TH: variants seen among roughly 807,000 people sequenced by gnomAD.
TH encodes the protein tyrosine 3-monooxygenase.
Under a neutral mutation model 57.4 loss-of-function variants are expected in TH, and 49 were observed. That is an observed-to-expected ratio of 0.85 (90% CI 0.68 to 1.08). TH has a LOEUF of 1.08. Among genes scored for constraint, TH ranks in the 50% least tolerant of loss-of-function variants. TH has a pLI of 0.00. For synonymous variants in TH, 330 were observed against 304.5 expected, an observed-to-expected ratio of 1.08 and a Z score of -0.87; for missense variants, 720 against 696.7, an observed-to-expected ratio of 1.03 and a Z score of -0.38.
Position 2,166,782 on chromosome 11 carries a change from C to A in TH, c.842-14G>T. On this transcript the variant is annotated splice_polypyrimidine_tract_variant and intron_variant, in intron 7 of 12. Transcript: ENST00000352909. The stretch of plus-strand genomic sequence containing the variant: ...AGCCCGTGCGCTCTGCAAGGGGCCA[C>A]GCGGGTCACTGCCGAGCCGGGACGG... 1 of 1,547,982 alleles carries A rather than the reference C, an allele frequency of 6.5e-7. No individual in the cohort carries two copies. The highest frequency in any genetic ancestry group is 8.7e-7 in the Non-Finnish European group (1 of 1,145,788).
Position 2,167,423 on chromosome 11 carries a change from C to A in TH, c.695+12G>T. On this transcript the variant is annotated intron_variant, in intron 6 of 12. Transcript: ENST00000352909. ...GGCTCCTCCCCAGCCCCTAGCTGCACGGAGGTCTCACCAGGTGGCAATCTC... is the reference window on the plus strand; with the variant it reads ...GGCTCCTCCCCAGCCCCTAGCTGCAAGGAGGTCTCACCAGGTGGCAATCTC... The A allele has an allele frequency of 1.9e-6, 3 of 1,558,966 alleles. No homozygotes were observed. The highest frequency in any genetic ancestry group is 2.6e-6 in the Non-Finnish European group (3 of 1,151,432).
At position 2,171,775 on chromosome 11, in the gene TH, G is replaced by A. The variant is rs147131010; in HGVS notation, c.12C>T (p.Pro4=). The stretch of plus-strand genomic sequence containing the variant: ...CCTTGGCCTGTGGCGTGGTGGCGTC[G>A]GGGGTGGGCATGGCTCAGTGTGGAG... The part of the protein sequence containing the change: MPT[P]DATTPQAKGF... The change falls in exon 1 of 13, where the codon CCC becomes CCT. Residue 4 remains proline (P), a synonymous_variant. Coordinates refer to ENST00000352909, the MANE Select transcript of TH (RefSeq NM_000360.4). The surrounding 1 kb of genome is among the most constrained non-coding windows in gnomAD (Gnocchi z 8.6). The A allele has an allele frequency of 2.3e-4, 369 of 1,611,860 alleles. No individual in the cohort carries two copies. In the Middle Eastern group the frequency reaches 4.6e-3, roughly 20 times the overall value.
intron 9 of TH, 183 bp from the exon 10 acceptor site, chr11:2,166,241 T>C: frequency 3.4e-6 from 3 of 883,024 alleles, no homozygotes; most frequent in Non-Finnish European, 3.5e-6. Context: ...CAGCCCTCCT[T>C]GACCACATTC....
At chr11:2,167,361 G>C (rs945302570) in intron 6 of TH, 74 bp downstream of exon 6, 5 of 1,492,216 alleles carry the variant, frequency 3.4e-6, no homozygotes, top group Non-Finnish European at 3.7e-6. Flanking sequence ...CCCTGGAGGC[G>C]GCCCTCACAC....
Position 2,171,690 on chromosome 11 carries a change from C to G in TH, c.90+7G>C. The G allele has an allele frequency of 6.2e-7, 1 of 1,611,660 alleles. No homozygotes were observed. Among genetic ancestry groups the G allele is most frequent in the East Asian group, 2.2e-5 (1 of 44,860 alleles). ...TGCGGCCGCCGGGCACCTACCTGCC[C>G]TCTTACCATGATGGCCTCTGCCTGC... On this transcript the variant is annotated splice_region_variant and intron_variant, in intron 1 of 12. Coordinates refer to ENST00000352909, the MANE Select transcript of TH (RefSeq NM_000360.4). The surrounding 1 kb of genome is among the most constrained non-coding windows in gnomAD (Gnocchi z 8.6).
rs1270221072 is a variant in TH, at chr11:2,166,108, C to G, written c.1048-50G>C. On this transcript the variant is annotated intron_variant, in intron 9 of 12. Transcript: ENST00000352909. ...TGGGGAGAGGCAGCCCTGGGTCATG[C>G]TCGAGGTGGGGGCACCGGGGGTGTC... 1.3e-5 allele frequency: 20 copies of G among 1,543,718 alleles called. No homozygotes were observed. In the South Asian group the frequency reaches 2.4e-4, roughly 18 times the overall value.
chr11:2,168,588 G>A lies in TH; in HGVS notation c.390C>T (p.Tyr130=). 1 of 1,611,952 alleles carries A rather than the reference G, an allele frequency of 6.2e-7. No individual in the cohort carries two copies. The highest frequency in any genetic ancestry group is 8.5e-7 in the Non-Finnish European group (1 of 1,179,734). ...RPRAGGPHLE[Y]FVRLEVRRGD... The stretch of plus-strand genomic sequence containing the variant: ...CTCGGCGCACCTCGAGGCGCACGAA[G>A]TACTCCAGGTGGGGGCCCCCAGCTC... Residue 130 remains tyrosine (Y), a synonymous_variant, in exon 3 of 13, where the codon TAC becomes TAT. Transcript: ENST00000352909.
Position 2,164,112 on chromosome 11 carries a change from G to T in TH, c.*121C>A. 1 of 902,336 alleles carries T rather than the reference G, an allele frequency of 1.1e-6. No individual in the cohort carries two copies. The highest frequency in any genetic ancestry group is 1.5e-6 in the Non-Finnish European group (1 of 665,506). The allele number at this position is 902,336 out of a possible 1,614,324, so 55.9% of individuals were successfully genotyped here. A position where few individuals can be genotyped will look rare whatever the true frequency, so the allele number is the denominator to read the frequency against. ...CTGAGAAGCAGGTGCAGGGGCAGTG[G>T]GAGCCTGGCAGCAGGGAGGGCATGG... On this transcript the variant is annotated 3_prime_UTR_variant, in exon 13 of 13. Coordinates refer to ENST00000352909, the MANE Select transcript of TH (RefSeq NM_000360.4).
intron 2 of TH, 80 bp downstream of exon 2, chr11:2,169,570 A>C: frequency 7.1e-7 from 1 of 1,404,988 alleles, no homozygotes; most frequent in Non-Finnish European, 1.0e-6. Context: ...CACCTCTGCT[A>C]TAGAGGGGTC....
chr11:2,167,834 G>A, intron 5 of TH, 32 bp downstream of exon 5: 1 of 1,577,540 alleles, frequency 6.3e-7, no homozygotes. Flanking sequence ...CTGCAGGACG[G>A]AGTCTGGGTC....
Position 2,165,680 on chromosome 11 carries a change from G to A in TH, c.1188C>T (p.Tyr396=), listed in dbSNP as rs375428556. ...GAGAGACTCTCACCAGGAGCTCCCCGTAGGAGGACAGCAGCCCGGCACCAT... is the reference window on the plus strand; with the variant it reads ...GAGAGACTCTCACCAGGAGCTCCCCATAGGAGGACAGCAGCCCGGCACCAT... The part of the protein sequence containing the change: ...KAYGAGLLSS[Y]GELLHCLSEE... Residue 396 remains tyrosine, a synonymous_variant, in exon 11 of 13, where the codon TAC becomes TAT. Coordinates refer to ENST00000352909, the MANE Select transcript of TH (RefSeq NM_000360.4). The A allele has an allele frequency of 5.1e-5, 82 of 1,612,584 alleles. No individual in the cohort carries two copies. In the South Asian group the frequency reaches 5.2e-4, roughly 10 times the overall value.
rs1399106612 is a variant in TH at position 2,166,472 on chromosome 11, C to T, written c.1047+8G>A. ...GTGACCCCGGCTCCCTCCGAGGCCG[C>T]GGCGTACCTGCGAGAACTGCGCGAA... On this transcript the variant is annotated splice_region_variant and intron_variant, in intron 9 of 12. Coordinates refer to ENST00000352909, the MANE Select transcript of TH (RefSeq NM_000360.4). 2.5e-6 allele frequency: 4 copies of T among 1,575,208 alleles called. No individual in the cohort carries two copies. Among genetic ancestry groups the T allele is most frequent in the Admixed American group, 1.8e-5 (1 of 56,172 alleles).
At position 2,171,085 on chromosome 11, in the gene TH, G is replaced by GTGAATGAATGAATGAATGAA. The variant is rs59181491; in HGVS notation, c.90+592_90+611dup. Among the ~76,000 whole-genome samples the GTGAATGAATGAATGAATGAA allele has an allele frequency of 7.1e-6, 1 of 140,788 alleles. No homozygotes were observed. Among genetic ancestry groups the GTGAATGAATGAATGAATGAA allele is most frequent in the African/African-American group, 2.5e-5 (1 of 39,474 alleles). 92.4% of individuals were successfully genotyped at this position (140,788 alleles called of 152,430 possible). ...GGTCACAGGGAACACAGACTCCATG[G>GTGAATGAATGAATGAATGAA]TGAATGAATGAATGAATGAATGAAT... is the stretch of plus-strand genomic sequence containing the variant. On this transcript the variant is annotated intron_variant, in intron 1 of 12. Transcript: ENST00000352909. The surrounding 1 kb of genome is among the most constrained non-coding windows in gnomAD (Gnocchi z 8.6).
At position 2,169,949 on chromosome 11, in the gene TH, C is replaced by T. The variant is rs961598497; in HGVS notation, c.91-78G>A. The T allele has an allele frequency of 5.3e-5, 75 of 1,415,972 alleles. No homozygotes were observed. The East Asian group carries it at 6.9e-4, about 13-fold the overall frequency. The allele number at this position is 1,415,972 out of a possible 1,614,324, so 87.7% of individuals were successfully genotyped here. A position where few individuals can be genotyped will look rare whatever the true frequency, so the allele number is the denominator to read the frequency against. ...CTCCACCCACAGCTGGTCCCACAGT[C>T]GGGCAGCGCTGATGGCACACAGAGG... On this transcript the variant is annotated intron_variant, in intron 1 of 12. Transcript: ENST00000352909.
intron 10 of TH, 27 bp from the exon 11 acceptor site, chr11:2,165,790 C>G: frequency 6.2e-7 from 1 of 1,605,728 alleles, no homozygotes; most frequent in Non-Finnish European, 8.5e-7. Flanking sequence ...CAGCATCAGC[C>G]CAGAGACAGC....
At chr11:2,165,858 CCAGGCCAGGATGCAGG>C in intron 10 of TH, 95 bp from the exon 11 acceptor site, 1 of 1,525,600 alleles carries the variant, frequency 6.6e-7, no homozygotes, top group Non-Finnish European at 8.9e-7. Context: ...CCCAGGGAGG[CCAGGCCAGGATGCAGG>C]CAGGCCAGGG....
rs746688975 is a variant in TH, at chr11:2,165,676, C to T, written c.1192G>A (p.Glu398Lys). The change falls in exon 11 of 13, where the codon GAG (glutamate) becomes AAG (lysine). Residue 398 changes from glutamate to lysine, a missense_variant. By Grantham distance (56) the Glu-to-Lys change is moderately conservative (BLOSUM62 1). Transcript: ENST00000352909. ...YGAGLLSSYG[E>K]LLHCLSEEPE... ...CAAGGAGAGACTCTCACCAGGAGCT[C>T]CCCGTAGGAGGACAGCAGCCCGGCA... 3.7e-6 allele frequency: 6 copies of T among 1,612,732 alleles called. No homozygotes were observed. The highest frequency in any genetic ancestry group is 5.1e-6 in the Non-Finnish European group (6 of 1,179,950).
intron 3 of TH, 62 bp from the exon 4 acceptor site, chr11:2,168,241 C>T (rs1846154963): frequency 1.9e-6 from 3 of 1,557,146 alleles, no homozygotes; most frequent in East Asian, 2.2e-5. Flanking sequence ...GTGTCACCCA[C>T]CTTGAAGCAG....
In TH at chr11:2,167,948, G is replaced by A. The variant is rs763949927; in HGVS notation, c.577-15C>T. 4 of 1,611,548 alleles carry A rather than the reference G, an allele frequency of 2.5e-6. No homozygotes were observed. The East Asian group carries it at 8.9e-5, about 36-fold the overall frequency. Reference sequence around the variant, plus strand: ...TCCGAGAAGCCCTGAGGGCAGAGGGGATGCACGGGTCAGGAGGCTGTGCTG... The same window carrying A: ...TCCGAGAAGCCCTGAGGGCAGAGGGAATGCACGGGTCAGGAGGCTGTGCTG... On this transcript the variant is annotated splice_polypyrimidine_tract_variant and intron_variant, in intron 4 of 12. Coordinates refer to ENST00000352909, the MANE Select transcript of TH (RefSeq NM_000360.4).
Sources: allele counts gnomAD v4.1 joint callset (sites outside exome capture counted in the v4.1 genomes callset), GRCh38; gene constraint gnomAD v4.1.1; non-coding constraint Gnocchi (gnomAD v3.1); transcripts MANE v1.5; gene names NCBI Gene and HGNC (gene_info 2026-07-23, HGNC 2026-07-21).